NELL1: variants seen among roughly 807,000 people sequenced by gnomAD.
The protein encoded by NELL1 is protein kinase C-binding protein NELL1.
NELL1 carries 76 observed loss-of-function variants against 107.4 expected under a neutral mutation model. The ratio of observed to expected loss-of-function variants is 0.71; its 90% CI spans 0.59 to 0.86. The LOEUF (loss-of-function observed/expected upper bound fraction) is 0.86. Among genes scored for constraint, NELL1 ranks in the 40% least tolerant of loss-of-function variants. The probability of loss-of-function intolerance (pLI) is 0.00; values close to 1 mark genes in which losing one functional copy is unlikely to be tolerated. For missense variants in NELL1, 1,024 were observed against 1,005.5 expected, an observed-to-expected ratio of 1.02 and a Z score of -0.25; for synonymous variants, 353 against 341.2, an observed-to-expected ratio of 1.03 and a Z score of -0.38.
intron 13 of NELL1, among the ~76,000 whole-genome samples, chr11:21,144,352 T>C (rs999273236): frequency 3.9e-5 from 6 of 152,182 alleles, no homozygotes; most frequent in African/African-American, 1.4e-4. Flanking sequence ...GCATTCTGAT[T>C]GAGTCAACTA....
intron 2 of NELL1, among the ~76,000 whole-genome samples, chr11:20,733,268 C>T (rs10766719): frequency 6.6e-6 from 1 of 151,960 alleles, no homozygotes; most frequent in African/African-American, 2.4e-5. Flanking sequence ...TACAATTTAG[C>T]GGTCTCCTTA....
At chr11:21,000,779 C>T (rs1391233595) in intron 12 of NELL1, 1 of 152,174 alleles carries the variant, frequency 6.6e-6, no homozygotes, top group Non-Finnish European at 1.5e-5. Context: ...CTTTCTGTCC[C>T]ATGGGTGGAA....
intron 15 of NELL1, among the ~76,000 whole-genome samples, chr11:21,409,611 A>T (rs1032189316): frequency 2.0e-4 from 30 of 151,914 alleles, no homozygotes; most frequent in Non-Finnish European, 1.3e-4. Flanking sequence ...AATAAAAATT[A>T]AAAAATAAAA....
chr11:20,790,717 C>T (rs1857056862), intron 3 of NELL1, among the ~76,000 whole-genome samples: 1 of 151,966 alleles, frequency 6.6e-6, no homozygotes, highest in Non-Finnish European at 1.5e-5. Context: ...CCTGCCTGCT[C>T]TACGGGGCAG....
chr11:21,276,020 T>C (rs2133940882), intron 14 of NELL1, among the ~76,000 whole-genome samples: 1 of 152,290 alleles, frequency 6.6e-6, no homozygotes, highest in Non-Finnish European at 1.5e-5. Flanking sequence ...TCACCACTCC[T>C]ATTCAACATA....
At chr11:21,203,497 C>T (rs1263645507) in intron 13 of NELL1, among the ~76,000 whole-genome samples, 1 of 145,864 alleles carries the variant, frequency 6.9e-6, no homozygotes, top group Non-Finnish European at 1.5e-5. Flanking sequence ...TTATTTTGAG[C>T]CTATGTGTGT....
chr11:21,070,895 A>G (rs186597818), intron 12 of NELL1, among the ~76,000 whole-genome samples: 1 of 152,284 alleles, frequency 6.6e-6, no homozygotes, highest in Admixed American at 6.5e-5. Context: ...TCAGAAAAAT[A>G]CTTTTTCTCT....
chr11:20,945,275 G>A (rs553715617), intron 10 of NELL1, among the ~76,000 whole-genome samples: 4 of 152,318 alleles, frequency 2.6e-5, no homozygotes, highest in South Asian at 4.1e-4. Context: ...CAAACATACC[G>A]TAATCCCACC....
chr11:21,187,693 T>C (rs929280115), intron 13 of NELL1, among the ~76,000 whole-genome samples: 1 of 151,840 alleles, frequency 6.6e-6, no homozygotes, highest in Non-Finnish European at 1.5e-5. Context: ...ATAGACATCC[T>C]GTGTCTGCCC....
intron 13 of NELL1, among the ~76,000 whole-genome samples, chr11:21,196,205 C>T (rs1206193597): frequency 3.3e-5 from 5 of 152,036 alleles, no homozygotes; most frequent in Admixed American, 3.3e-4. Context: ...ATGTGACAGC[C>T]CAGCCACTTG....
intron 15 of NELL1, among the ~76,000 whole-genome samples, chr11:21,396,503 G>T (rs1366093712): frequency 6.6e-6 from 1 of 151,620 alleles, no homozygotes; most frequent in African/African-American, 2.4e-5. Context: ...GGCCATTTAT[G>T]AATTGCAGAA....
chr11:21,108,170 C>A (rs141968565), intron 12 of NELL1, among the ~76,000 whole-genome samples: 7 of 152,206 alleles, frequency 4.6e-5, no homozygotes, highest in African/African-American at 1.4e-4. Flanking sequence ...TCCCTGGGTT[C>A]TTTTTCTAGT....
Position 21,185,407 on chromosome 11 carries a change from G to A in NELL1, c.1427-43925G>A, listed in dbSNP as rs143788855. Among the ~76,000 whole-genome samples the A allele has an allele frequency of 9.8e-3, 1,452 of 147,448 alleles. 17 individuals carry two copies. Among genetic ancestry groups the A allele is most frequent in the South Asian group, 0.054 (257 of 4,720 alleles). On this transcript the variant is annotated intron_variant, in intron 13 of 19. Coordinates refer to ENST00000357134, the MANE Select transcript of NELL1 (RefSeq NM_006157.5). ...CCTCCCAGGTTGAAGCGATTCTCCT[G>A]CCTCAGCCTCTCGAATAGCTGGGAT...
chr11:21,078,936 A>G (rs935199471), intron 12 of NELL1, among the ~76,000 whole-genome samples: 15 of 152,000 alleles, frequency 9.9e-5, no homozygotes, highest in African/African-American at 3.4e-4. Context: ...AATATTAACT[A>G]TATGGTATAA....
At chr11:20,992,709 ATTTTTTTTT>A (rs56048576) in intron 12 of NELL1, among the ~76,000 whole-genome samples, 23 of 114,500 alleles carry the variant, frequency 2.0e-4, no homozygotes, top group African/African-American at 2.9e-4. Flanking sequence ...CAAAAGTGGC[ATTTTTTTTT>A]TTTTTTTTTT....
At chr11:21,276,617 T>C (rs1015067075) in intron 14 of NELL1, among the ~76,000 whole-genome samples, 1 of 152,124 alleles carries the variant, frequency 6.6e-6, no homozygotes, top group Non-Finnish European at 1.5e-5. Flanking sequence ...AGAACAAAGC[T>C]GGAGGCATCA....
At chr11:21,434,763 G>A (rs1002755180) in intron 15 of NELL1, among the ~76,000 whole-genome samples, 7 of 151,956 alleles carry the variant, frequency 4.6e-5, no homozygotes, top group African/African-American at 1.5e-4. Context: ...GATGGGTATT[G>A]CATTGAATTT....
chr11:21,127,563 T>C (rs1364504034), intron 13 of NELL1, among the ~76,000 whole-genome samples: 1 of 150,906 alleles, frequency 6.6e-6, no homozygotes, highest in Non-Finnish European at 1.5e-5. Context: ...TTCAGTGAGC[T>C]ATGATCCGAG....
At chr11:21,491,601 C>A (rs890699533) in intron 15 of NELL1, among the ~76,000 whole-genome samples, 4 of 152,110 alleles carry the variant, frequency 2.6e-5, no homozygotes, top group Admixed American at 6.6e-5. Context: ...GTTACTGTAG[C>A]TTTGTAGTAT....
Sources: gnomAD v4.1 joint callset for allele counts (sites outside exome capture counted in the v4.1 genomes callset) on GRCh38, gnomAD v4.1.1 for gene constraint, MANE v1.5 for transcripts, NCBI Gene and HGNC (gene_info 2026-07-23, HGNC 2026-07-21) for gene names.